RBM6: variants seen among roughly 807,000 people sequenced by gnomAD.
RBM6 encodes the protein RNA-binding protein 6.
In RBM6, 23 loss-of-function variants were observed where a neutral mutation model predicts 140.4. That is an observed-to-expected ratio of 0.16 (90% CI 0.12 to 0.23). The LOEUF is 0.23. Ranked by LOEUF, RBM6 falls within the 10% of genes least tolerant of loss-of-function variation. RBM6 has a pLI of 1.00. For synonymous variants in RBM6, 439 were observed against 475.6 expected, an observed-to-expected ratio of 0.92 and a Z score of 1.00; for missense variants, 1,139 against 1,386.7, an observed-to-expected ratio of 0.82 and a Z score of 2.84.
In RBM6 at chr3:50,032,182, G is replaced by A. The variant is rs868197678; in HGVS notation, c.1558-16063G>A. Among the ~76,000 whole-genome samples, 4 of 152,010 alleles carry A rather than the reference G, an allele frequency of 2.6e-5. No individual in the cohort carries two copies. The South Asian group carries it at 6.2e-4, about 24-fold the overall frequency. ...GCAGATAGGCATTAGGAGACTACTA[G>A]TAGTCTTTTAATTTTCCAGGCCGGG... On this transcript the variant is annotated intron_variant, in intron 6 of 20. Transcript: ENST00000266022.
rs137972033 is a variant in RBM6 at position 49,948,479 on chromosome 3, C to A, written c.-67+8254C>A. Reference sequence around the variant, plus strand: ...CTGTGGCTCACGCCTGTAATCCCAGCACTTTGGGAGGCCGAGGCAGGTCAA... The same window carrying A: ...CTGTGGCTCACGCCTGTAATCCCAGAACTTTGGGAGGCCGAGGCAGGTCAA... On this transcript the variant is annotated intron_variant, in intron 1 of 20. Transcript: ENST00000266022. Among the ~76,000 whole-genome samples the A allele has an allele frequency of 7.1e-3, 1,085 of 152,142 alleles. 15 individuals carry two copies. Among genetic ancestry groups the A allele is most frequent in the African/African-American group, 0.025 (1,035 of 41,518 alleles).
chr3:50,048,735 C>A (rs940938703), intron 7 of RBM6, among the ~76,000 whole-genome samples: 1 of 152,168 alleles, frequency 6.6e-6, no homozygotes, highest in Non-Finnish European at 1.5e-5. Context: ...TATAGAACTT[C>A]AGACACCATG....
chr3:50,066,457 T>A lies in RBM6; in HGVS notation c.2898T>A (p.Asn966Lys). 2.5e-6 allele frequency: 4 copies of A among 1,613,732 alleles called. No homozygotes were observed. Among genetic ancestry groups the A allele is most frequent in the Non-Finnish European group, 3.4e-6 (4 of 1,180,024 alleles). The change falls in exon 17 of 21, where the codon AAT becomes AAA. Residue 966 changes from asparagine to lysine, a missense_variant. Asn to Lys is a moderately conservative substitution (Grantham distance 94). Around this residue, in one of 9 missense-constraint regions of RBM6, gnomAD observed 40 missense variants for 80.1 expected, o/e 0.50. Coordinates refer to ENST00000266022, the MANE Select transcript of RBM6 (RefSeq NM_005777.3). The stretch of plus-strand genomic sequence containing the variant: ...TGCTTTGCAGAAGGCAGTTTCCCAA[T>A]AAAGAAGTTCTGATCAAACACCAGC... Reference protein sequence around the residue: ...ACLLCRRQFPNKEVLIKHQQL... With the variant: ...ACLLCRRQFPKKEVLIKHQQL...
At chr3:50,038,793 A>G (rs956731796) in intron 6 of RBM6, among the ~76,000 whole-genome samples, 2 of 152,186 alleles carry the variant, frequency 1.3e-5, no homozygotes, top group Admixed American at 6.5e-5. Context: ...AGATCGCGCC[A>G]CTGCACTCCA....
chr3:50,001,200 T>C (rs904197102), intron 6 of RBM6, among the ~76,000 whole-genome samples: 1 of 152,188 alleles, frequency 6.6e-6, no homozygotes, highest in Non-Finnish European at 1.5e-5. Context: ...AGTGGTGGCT[T>C]ACTCTGTAAT....
chr3:49,997,048 A>C (rs2086117339), intron 5 of RBM6, among the ~76,000 whole-genome samples: 1 of 152,230 alleles, frequency 6.6e-6, no homozygotes, highest in African/African-American at 2.4e-5. Context: ...CAAAGTATTT[A>C]GAATAAAATC....
chr3:50,054,775 A>T (rs1017655195), intron 8 of RBM6, among the ~76,000 whole-genome samples: 2 of 152,066 alleles, frequency 1.3e-5, no homozygotes, highest in Non-Finnish European at 2.9e-5. Flanking sequence ...TTGGCCTCCC[A>T]TAGTGCTGGG....
At chr3:50,049,644 C>T (rs1264776641) in intron 7 of RBM6, among the ~76,000 whole-genome samples, 2 of 151,668 alleles carry the variant, frequency 1.3e-5, no homozygotes, top group African/African-American at 4.9e-5. Flanking sequence ...ACTTGAAGAG[C>T]TATGATTGTT....
chr3:50,014,232 G>A (rs2087000711), intron 6 of RBM6, among the ~76,000 whole-genome samples: 1 of 152,194 alleles, frequency 6.6e-6, no homozygotes, highest in Non-Finnish European at 1.5e-5. Context: ...TGAGAGTGCA[G>A]GCACGGCACT....
intron 8 of RBM6, among the ~76,000 whole-genome samples, chr3:50,056,738 C>G (rs1282968928): frequency 6.6e-6 from 1 of 152,182 alleles, no homozygotes; most frequent in African/African-American, 2.4e-5. Context: ...TTCCAGTGAA[C>G]CCTCCAAGAA....
rs1002788608 is a variant in RBM6 at position 50,054,283 on chromosome 3, A to C, written c.1633-52A>C. 1.2e-4 allele frequency: 173 copies of C among 1,459,106 alleles called. 1 individual carries two copies. In the South Asian group the frequency reaches 1.5e-3, roughly 12 times the overall value. The allele number at this position is 1,459,106 out of a possible 1,614,324, so 90.4% of individuals were successfully genotyped here. On this transcript the variant is annotated intron_variant, in intron 7 of 20. Transcript: ENST00000266022. Reference sequence around the variant, plus strand: ...GGGGGTTTCACTTTGTTAGATATACATAAGATTTTTAAAAATGTTTTCAGT... The same window carrying C: ...GGGGGTTTCACTTTGTTAGATATACCTAAGATTTTTAAAAATGTTTTCAGT...
intron 1 of RBM6, among the ~76,000 whole-genome samples, chr3:49,943,348 G>A (rs1240284298): frequency 6.6e-6 from 1 of 151,838 alleles, no homozygotes; most frequent in Non-Finnish European, 1.5e-5. Context: ...TGTTGCCCAG[G>A]CTGGAGTTCA....
intron 5 of RBM6, 91 bp from the exon 6 acceptor site, chr3:49,999,349 T>G (rs542007298): frequency 2.2e-5 from 25 of 1,128,112 alleles, no homozygotes; most frequent in Non-Finnish European, 3.4e-5. Flanking sequence ...GGCTTGTGTT[T>G]AAGGGGTTCA....
intron 1 of RBM6, among the ~76,000 whole-genome samples, chr3:49,957,310 C>CTT (rs888900457): frequency 2.8e-5 from 4 of 141,454 alleles, no homozygotes; most frequent in East Asian, 2.0e-4. Context: ...TTCTTTCTTT[C>CTT]TTTTTTTTTT....
In RBM6 at chr3:49,968,365, G is replaced by A; in HGVS notation, c.940G>A (p.Glu314Lys). Reference sequence around the variant, plus strand: ...TTCTGGTATGAATGTGAACAGGAGAGAAGAATCCACACATGACCATACGAT... The same window carrying A: ...TTCTGGTATGAATGTGAACAGGAGAAAAGAATCCACACATGACCATACGAT... ...EHSGMNVNRR[E>K]ESTHDHTIER... is the part of the protein sequence containing the mutation. The change falls in exon 3 of 21, where the codon GAA (glutamate) becomes AAA (lysine). Residue 314 changes from glutamate to lysine, a missense_variant. Glu to Lys is a moderately conservative substitution (Grantham distance 56). This residue lies in a region of RBM6 where 566 missense variants were observed against 612.7 expected (regional missense o/e 0.92). Coordinates refer to ENST00000266022, the MANE Select transcript of RBM6 (RefSeq NM_005777.3). The A allele has an allele frequency of 6.2e-7, 1 of 1,614,192 alleles. No homozygotes were observed. Among genetic ancestry groups the A allele is most frequent in the Non-Finnish European group, 8.5e-7 (1 of 1,180,036 alleles).
chr3:49,961,804 A>G (rs1011618250), intron 1 of RBM6, among the ~76,000 whole-genome samples: 2 of 151,632 alleles, frequency 1.3e-5, no homozygotes, highest in Non-Finnish European at 2.9e-5. Flanking sequence ...GTCTTTAAAA[A>G]AAAAAAAAAA....
intron 1 of RBM6, among the ~76,000 whole-genome samples, chr3:49,953,066 T>TC (rs1005400743): frequency 1.0e-3 from 151 of 151,474 alleles, no homozygotes; most frequent in Non-Finnish European, 1.9e-3. Flanking sequence ...CTTCTTTTCT[T>TC]TTTTTTTGAG....
chr3:50,013,150 T>C (rs1360471827), intron 6 of RBM6, among the ~76,000 whole-genome samples: 1 of 152,136 alleles, frequency 6.6e-6, no homozygotes, highest in Non-Finnish European at 1.5e-5. Context: ...AGACTCTTCC[T>C]TTGAGGTTGG....
chr3:49,968,106 CAA>C lies in RBM6; in HGVS notation c.683_684del (p.Lys228ArgfsTer8). ...ATGTATCTGATTTGGACTTTAGAGA[CAA>C]AGACGGAACACAAGTAGACTTTAGA... ...RDVSDLDFRD[K>X]DGTQVDFRGR... On this transcript the variant is annotated frameshift_variant, in exon 3 of 21. Transcript: ENST00000266022. LOFTEE classifies it high-confidence loss of function. 6.2e-7 allele frequency: 1 copy of C among 1,614,134 alleles called. No homozygotes were observed. The highest frequency in any genetic ancestry group is 8.5e-7 in the Non-Finnish European group (1 of 1,180,030).
Sources: gnomAD v4.1 joint callset for allele counts (sites outside exome capture counted in the v4.1 genomes callset) on GRCh38, gnomAD v4.1.1 for gene constraint, gnomAD v4.1.1 regional missense constraint, MANE v1.5 for transcripts, NCBI Gene and HGNC (gene_info 2026-07-23, HGNC 2026-07-21) for gene names.